Variants in GRAMD4 observed in about 807,000 individuals in gnomAD.
The protein encoded by GRAMD4 is GRAM domain containing 4, also known as GRAM domain-containing protein 4.
Under a neutral mutation model 83.9 loss-of-function variants are expected in GRAMD4, and 25 were observed. That is an observed-to-expected ratio of 0.30 (90% CI 0.22 to 0.42). The LOEUF (loss-of-function observed/expected upper bound fraction) is 0.42, where lower values mean the gene tolerates loss of function less well. Among genes scored for constraint, GRAMD4 ranks in the 10% least tolerant of loss-of-function variants. The pLI is 1.00. For synonymous variants in GRAMD4, 336 were observed against 320.9 expected, an observed-to-expected ratio of 1.05 and a Z score of -0.50; for missense variants, 593 against 788.7, an observed-to-expected ratio of 0.75 and a Z score of 2.97.
intron 1 of GRAMD4, among the ~76,000 whole-genome samples, chr22:46,583,027 C>T (rs951621186): frequency 4.6e-5 from 7 of 152,170 alleles, no homozygotes; most frequent in African/African-American, 1.2e-4. Flanking sequence ...CGGGTTCAAG[C>T]GATTCTCCTA....
In GRAMD4 at chr22:46,678,227, C is replaced by T. The variant is rs985028430; in HGVS notation, c.*976C>T. 4.2e-4 allele frequency: 414 copies of T among 985,394 alleles called. No homozygotes were observed. Among genetic ancestry groups the T allele is most frequent in the Non-Finnish European group, 4.8e-4 (395 of 829,992 alleles). The allele number at this position is 985,394 out of a possible 1,614,324, so 61.0% of individuals were successfully genotyped here. A position where few individuals can be genotyped will look rare whatever the true frequency, so the allele number is the denominator to read the frequency against. On this transcript the variant is annotated 3_prime_UTR_variant, in exon 19 of 19. Coordinates refer to ENST00000406902, the MANE Select transcript of GRAMD4 (RefSeq NM_015124.5). ...GAGGAGTGTTCCGGGACCATGGTGGCCCAGGCTGCAGCCGCCTTTGGGCCA... is the reference window on the plus strand; with the variant it reads ...GAGGAGTGTTCCGGGACCATGGTGGTCCAGGCTGCAGCCGCCTTTGGGCCA...
Position 46,622,684 on chromosome 22 carries a change from C to T in GRAMD4, c.-50+2119C>T, listed in dbSNP as rs936669606. Among the ~76,000 whole-genome samples, 9 of 152,084 alleles carry T rather than the reference C, an allele frequency of 5.9e-5. No homozygotes were observed. Among genetic ancestry groups the T allele is most frequent in the South Asian group, 2.1e-4 (1 of 4,820 alleles). ...ATCCCAGCACTTTGGGAGGCCGAGGCGGGTGGATCACGAGGTCAGGAGATT... is the reference window on the plus strand; with the variant it reads ...ATCCCAGCACTTTGGGAGGCCGAGGTGGGTGGATCACGAGGTCAGGAGATT... On this transcript the variant is annotated intron_variant, in intron 1 of 18. Coordinates refer to ENST00000406902, the MANE Select transcript of GRAMD4 (RefSeq NM_015124.5). This position sits in a 1 kb window ranked among gnomAD's most constrained non-coding sequence, Gnocchi z 4.0.
At chr22:46,616,079 C>T (rs1415322561), upstream of GRAMD4, among the ~76,000 whole-genome samples, 3 of 133,338 alleles carry the variant, frequency 2.2e-5, no homozygotes, top group Non-Finnish European at 3.2e-5. Context: ...TGTGTAGGTT[C>T]CCCCAAGCGT....
intron 2 of GRAMD4, among the ~76,000 whole-genome samples, chr22:46,636,647 C>T (rs1019300150): frequency 1.3e-5 from 2 of 152,220 alleles, no homozygotes; most frequent in South Asian, 2.1e-4. Flanking sequence ...CTGGAGAAAT[C>T]GGGTCGCTGC....
rs138222426 is a variant in GRAMD4, at chr22:46,604,520, C to T, written c.-49-22231C>T. Reference sequence around the variant, plus strand: ...CCCAGAACATCTGATCTTCCCCAACCGAAACTCCGCACCCACAAAGCACTG... The same window carrying T: ...CCCAGAACATCTGATCTTCCCCAACTGAAACTCCGCACCCACAAAGCACTG... On this transcript the variant is annotated intron_variant, in intron 1 of 1. Coordinates refer to the GRAMD4 transcript ENST00000431155. Among the ~76,000 whole-genome samples the T allele has an allele frequency of 2.4e-4, 37 of 152,302 alleles. 1 individual carries two copies. In the East Asian group the frequency reaches 6.2e-3, roughly 25 times the overall value.
intron 1 of GRAMD4, among the ~76,000 whole-genome samples, chr22:46,587,338 A>G (rs1462700109): frequency 6.6e-6 from 1 of 152,104 alleles, no homozygotes; most frequent in Non-Finnish European, 1.5e-5. Flanking sequence ...CAAGAAGTGA[A>G]ACTGTCAGGT....
rs1324637064 is a variant in GRAMD4, at chr22:46,677,188, C to T, written c.1674C>T (p.Phe558=). ...FGAMVHRDEA[F]ETILSQYIKI... is the part of the protein sequence containing the mutation. ...CCATGGTGCACAGGGATGAGGCCTTCGAGACCATTCTCAGCCAGTACATCA... is the reference window on the plus strand; with the variant it reads ...CCATGGTGCACAGGGATGAGGCCTTTGAGACCATTCTCAGCCAGTACATCA... Residue 558 remains phenylalanine (F), a synonymous_variant, in exon 19 of 19, where the codon TTC becomes TTT. Coordinates refer to ENST00000406902, the MANE Select transcript of GRAMD4 (RefSeq NM_015124.5). 7 of 1,613,704 alleles carry T rather than the reference C, an allele frequency of 4.3e-6. No individual in the cohort carries two copies. Among genetic ancestry groups the T allele is most frequent in the East Asian group, 2.2e-5 (1 of 44,892 alleles).
chr22:46,629,540 G>A (rs781726087), intron 2 of GRAMD4, among the ~76,000 whole-genome samples: 2 of 152,090 alleles, frequency 1.3e-5, no homozygotes, highest in Non-Finnish European at 2.9e-5. Flanking sequence ...TGCTCCTTCC[G>A]AGGTCCCCTC....
chr22:46,607,691 T>C (rs550825138), intron 1 of GRAMD4, among the ~76,000 whole-genome samples: 1 of 152,322 alleles, frequency 6.6e-6, no homozygotes, highest in South Asian at 2.1e-4. Context: ...AACTGGTATT[T>C]CCACTTCAGG....
At chr22:46,584,845 G>A (rs1326488784) in intron 1 of GRAMD4, among the ~76,000 whole-genome samples, 1 of 152,240 alleles carries the variant, frequency 6.6e-6, no homozygotes, top group African/African-American at 2.4e-5. Flanking sequence ...AAGTGGGGCT[G>A]ACTTAGAACG....
chr22:46,579,149 C>G (rs747816286), intron 1 of GRAMD4, among the ~76,000 whole-genome samples: 9 of 152,240 alleles, frequency 5.9e-5, no homozygotes, highest in Non-Finnish European at 8.8e-5. Flanking sequence ...CCACATAGCC[C>G]TGGGAGGCTG....
In GRAMD4 at chr22:46,665,713, G is replaced by A; in HGVS notation, c.809+7G>A. ...TCAATTACCTCATCGCCAGGTAGGT[G>A]AGCCGGTTTGTTGCAGCTGCTTTAT... On this transcript the variant is annotated splice_region_variant and intron_variant, in intron 9 of 18. Transcript: ENST00000406902. The A allele has an allele frequency of 1.3e-6, 2 of 1,491,208 alleles. No individual in the cohort carries two copies. The highest frequency in any genetic ancestry group is 1.9e-6 in the Non-Finnish European group (2 of 1,068,614). 92.4% of individuals were successfully genotyped at this position (1,491,208 alleles called of 1,614,324 possible).
At position 46,659,043 on chromosome 22, in the gene GRAMD4, C is replaced by T. The variant is rs556822908; in HGVS notation, c.404+736C>T. ...AGCCAGTGCCCTCCTGTCTCGCTAA[C>T]ACCACGAGGCTCCGTGTCCCTCTGC... On this transcript the variant is annotated intron_variant, in intron 4 of 18. Coordinates refer to ENST00000406902, the MANE Select transcript of GRAMD4 (RefSeq NM_015124.5). This position sits in a 1 kb window ranked among gnomAD's most constrained non-coding sequence, Gnocchi z 4.1. 2.6e-5 allele frequency among the ~76,000 whole-genome samples: 4 copies of T among 152,290 alleles called. No individual in the cohort carries two copies. The highest frequency in any genetic ancestry group is 4.1e-4 in the South Asian group (2 of 4,830).
upstream of GRAMD4, among the ~76,000 whole-genome samples, chr22:46,618,401 C>A (rs912492189): frequency 5.3e-5 from 8 of 152,138 alleles, no homozygotes; most frequent in South Asian, 1.7e-3. This position sits in a 1 kb window ranked among gnomAD's most constrained non-coding sequence, Gnocchi z 5.8. Flanking sequence ...GCGGGCGGCG[C>A]CTAGGGAATG....
At position 46,668,843 on chromosome 22, in the gene GRAMD4, T is replaced by A. The variant is rs1183703658; in HGVS notation, c.1019T>A (p.Val340Glu). The A allele has an allele frequency of 6.2e-7, 1 of 1,608,136 alleles. No homozygotes were observed. The highest frequency in any genetic ancestry group is 8.5e-7 in the Non-Finnish European group (1 of 1,176,848). Residue 340 changes from valine (V) to glutamate (E), a missense_variant, in exon 13 of 19, where the codon GTG becomes GAG. Transcript: ENST00000406902. ...CCGGAGATCACACAGAAGCTGTATG[T>A]GGCGCTCTGGGCTGCCTTCCTGGCC... ...VQPEITQKLY[V>E]ALWAAFLASC...
At chr22:46,636,448 A>G (rs571229982) in intron 2 of GRAMD4, among the ~76,000 whole-genome samples, 1 of 152,316 alleles carries the variant, frequency 6.6e-6, no homozygotes, top group East Asian at 1.9e-4. Flanking sequence ...GGCACCCAGA[A>G]CGGGGCAGCC....
rs116043139 is a variant in GRAMD4 at position 46,661,748 on chromosome 22, C to A, written c.466+306C>A. 5.1e-3 allele frequency among the ~76,000 whole-genome samples: 780 copies of A among 152,390 alleles called. 3 individuals are homozygous for A. The highest frequency in any genetic ancestry group is 0.017 in the African/African-American group (726 of 41,600). Reference sequence around the variant, plus strand: ...GAATACACACGTACTCTGTTTCAGCCTTGCCCCACGGAACAGTGATGTGAG... The same window carrying A: ...GAATACACACGTACTCTGTTTCAGCATTGCCCCACGGAACAGTGATGTGAG... On this transcript the variant is annotated intron_variant, in intron 5 of 18. Transcript: ENST00000406902.
intron 3 of GRAMD4, among the ~76,000 whole-genome samples, chr22:46,653,673 G>A (rs1307618072): frequency 6.6e-6 from 1 of 152,204 alleles, no homozygotes; most frequent in Non-Finnish European, 1.5e-5. Context: ...TTAGGAAAAT[G>A]TGGTTTCCTG....
At chr22:46,592,071 T>C (rs2081215459) in intron 1 of GRAMD4, among the ~76,000 whole-genome samples, 1 of 151,930 alleles carries the variant, frequency 6.6e-6, no homozygotes, top group African/African-American at 2.4e-5. Context: ...TCCAGGAAAG[T>C]TGGTTGATGT....
Sources: allele counts gnomAD v4.1 joint callset (sites outside exome capture counted in the v4.1 genomes callset), GRCh38; gene constraint gnomAD v4.1.1; non-coding constraint Gnocchi (gnomAD v3.1); transcripts MANE v1.5; gene names NCBI Gene and HGNC (gene_info 2026-07-23, HGNC 2026-07-21).